Variants in FOXP2 observed in about 807,000 individuals in gnomAD.
The protein encoded by FOXP2 is forkhead box protein P2.
In FOXP2, 12 loss-of-function variants were observed where a neutral mutation model predicts 115.8. That is an observed-to-expected ratio of 0.10 (90% CI 0.07 to 0.17). The LOEUF is 0.17. Among genes scored for constraint, FOXP2 ranks in the 10% least tolerant of loss-of-function variants. The pLI, the probability that FOXP2 is intolerant of heterozygous loss-of-function variation, is 1.00. For missense variants in FOXP2, 629 were observed against 843.5 expected (o/e 0.75, Z 3.15); for synonymous variants, 328 against 297.7 (o/e 1.10, Z -1.05).
intron 1 of FOXP2, among the ~76,000 whole-genome samples, chr7:114,107,837 G>A (rs1051422860): frequency 1.3e-5 from 2 of 151,734 alleles, no homozygotes; most frequent in Admixed American, 6.6e-5. Flanking sequence ...GTTTTTTCAC[G>A]GTCTGGTCCT....
chr7:114,160,896 A>G (rs1160002464), upstream of FOXP2, among the ~76,000 whole-genome samples: 2 of 152,076 alleles, frequency 1.3e-5, no homozygotes, highest in East Asian at 3.9e-4. Context: ...CCTGTGAAGA[A>G]GAGTCTGGCA....
At chr7:114,429,094 T>G (rs1347970015) in intron 2 of FOXP2, among the ~76,000 whole-genome samples, 1 of 151,546 alleles carries the variant, frequency 6.6e-6, no homozygotes, top group Admixed American at 6.6e-5. Flanking sequence ...GTCTTAATTT[T>G]TATGGCTTTT....
intron 2 of FOXP2, among the ~76,000 whole-genome samples, chr7:114,344,181 G>A (rs984098268): frequency 1.1e-4 from 16 of 151,618 alleles, no homozygotes; most frequent in African/African-American, 3.4e-4. Flanking sequence ...CACAAGATAC[G>A]TGCATTGTAC....
intron 1 of FOXP2, among the ~76,000 whole-genome samples, chr7:114,281,653 A>G (rs1208444383): frequency 1.3e-5 from 2 of 152,310 alleles, no homozygotes; most frequent in East Asian, 1.9e-4. Flanking sequence ...TTATCTGCCA[A>G]TAAAATATAT....
chr7:114,558,831 G>A (rs374341133), intron 3 of FOXP2, among the ~76,000 whole-genome samples: 7 of 151,958 alleles, frequency 4.6e-5, no homozygotes, highest in South Asian at 2.1e-4. Flanking sequence ...TTCCTGATTC[G>A]TCTGTGCATT....
Position 114,570,919 on chromosome 7 carries a change from G to A in FOXP2, c.258+36213G>A, listed in dbSNP as rs762252611. ...GGGCAATTAGAAATTCAGCTACTAGGCACAAGGCCATGGACCCAGTCCCAC... is the reference window on the plus strand; with the variant it reads ...GGGCAATTAGAAATTCAGCTACTAGACACAAGGCCATGGACCCAGTCCCAC... On this transcript the variant is annotated intron_variant, in intron 3 of 16. Transcript: ENST00000350908. 15 of 1,570,988 alleles carry A rather than the reference G, an allele frequency of 9.5e-6. No homozygotes were observed. In the Admixed American group the frequency reaches 2.5e-4, roughly 26 times the overall value.
chr7:114,468,163 A>G (rs548077614), intron 2 of FOXP2, among the ~76,000 whole-genome samples: 3 of 152,316 alleles, frequency 2.0e-5, no homozygotes, highest in South Asian at 2.1e-4. Context: ...GATCACTTCT[A>G]GAACTGATCA....
chr7:114,675,572 T>G (rs1316675031), intron 16 of FOXP2, among the ~76,000 whole-genome samples: 1 of 152,188 alleles, frequency 6.6e-6, no homozygotes, highest in African/African-American at 2.4e-5. Flanking sequence ...CAATCACGTA[T>G]GAAATTGATA....
intron 3 of FOXP2, among the ~76,000 whole-genome samples, chr7:114,615,266 TTCCAGTTAAGCAATTA>T (rs1803872443): frequency 6.6e-6 from 1 of 152,154 alleles, no homozygotes; most frequent in Non-Finnish European, 1.5e-5. Flanking sequence ...CCACATACCC[TTCCAGTTAAGCAATTA>T]TATTGCTCAC....
intron 2 of FOXP2, among the ~76,000 whole-genome samples, chr7:114,530,200 A>G (rs1799075438): frequency 6.6e-6 from 1 of 151,814 alleles, no homozygotes; most frequent in African/African-American, 2.4e-5. Context: ...TGACCTCACT[A>G]TCTGAAACCA....
At chr7:114,463,111 C>T (rs1346136873) in intron 2 of FOXP2, 4 of 419,190 alleles carry the variant, frequency 9.5e-6, no homozygotes, top group Non-Finnish European at 1.9e-5. Context: ...TCACTGCAAC[C>T]TGGAACTCCT....
intron 2 of FOXP2, among the ~76,000 whole-genome samples, chr7:114,477,424 T>A (rs1796326073): frequency 6.6e-6 from 1 of 151,988 alleles, no homozygotes; most frequent in Non-Finnish European, 1.5e-5. Flanking sequence ...AAATCCCACA[T>A]GTCCTCACTT....
chr7:114,111,168 C>G (rs1474221174), intron 1 of FOXP2, among the ~76,000 whole-genome samples: 1 of 152,174 alleles, frequency 6.6e-6, no homozygotes, highest in Admixed American at 6.6e-5. Context: ...AGTCCCCTCC[C>G]ATAGTTATTC....
chr7:114,628,904 G>A (rs1167561759), intron 4 of FOXP2: 3 of 520,878 alleles, frequency 5.8e-6, no homozygotes, highest in African/African-American at 5.8e-5. Context: ...AGAGAGAGGT[G>A]TAATTTGAAA....
At chr7:114,461,817 T>G (rs1483992457) in intron 2 of FOXP2, among the ~76,000 whole-genome samples, 1 of 152,080 alleles carries the variant, frequency 6.6e-6, no homozygotes, top group African/African-American at 2.4e-5. Context: ...TCAACCTGCT[T>G]CTTAGACTAT....
intron 2 of FOXP2, among the ~76,000 whole-genome samples, chr7:114,299,565 G>C (rs1253738149): frequency 3.3e-5 from 5 of 151,722 alleles, no homozygotes; most frequent in South Asian, 2.1e-4. Context: ...AATAAATTTA[G>C]TGTTTAATTT....
chr7:114,521,186 A>G (rs1453857356), intron 2 of FOXP2, among the ~76,000 whole-genome samples: 1 of 152,184 alleles, frequency 6.6e-6, no homozygotes, highest in Non-Finnish European at 1.5e-5. Context: ...ATATTAGTAA[A>G]TATTTAAAAG....
At chr7:114,498,310 A>G (rs1055099638) in intron 2 of FOXP2, among the ~76,000 whole-genome samples, 14 of 152,188 alleles carry the variant, frequency 9.2e-5, no homozygotes, top group Admixed American at 5.2e-4. Context: ...CTTACTTAAT[A>G]TACTTAAAAA....
intron 1 of FOXP2, among the ~76,000 whole-genome samples, chr7:114,207,624 CAT>C (rs1434264545): frequency 6.6e-6 from 1 of 152,188 alleles, no homozygotes; most frequent in Non-Finnish European, 1.5e-5. Flanking sequence ...TTTGTAAACA[CAT>C]ATTAATTAAC....
Sources: gnomAD v4.1 joint callset for allele counts (sites outside exome capture counted in the v4.1 genomes callset) on GRCh38, gnomAD v4.1.1 for gene constraint, MANE v1.5 for transcripts, NCBI Gene and HGNC (gene_info 2026-07-23, HGNC 2026-07-21) for gene names.